EHD3: variants seen among roughly 807,000 people sequenced by gnomAD.
The protein encoded by EHD3 is EH domain-containing protein 3.
Under a neutral mutation model 43.0 loss-of-function variants are expected in EHD3, and 17 were observed. The ratio of observed to expected loss-of-function variants is 0.40; its 90% CI spans 0.27 to 0.59. The LOEUF (loss-of-function observed/expected upper bound fraction) is 0.59, where lower values mean the gene tolerates loss of function less well. EHD3 is among the 20% of genes least tolerant of loss of function. EHD3 has a pLI of 0.49. For synonymous variants in EHD3, 313 were observed against 289.5 expected (o/e 1.08, Z -0.82); for missense variants, 594 against 705.6 (o/e 0.84, Z 1.79).
At position 31,234,767 on chromosome 2, in the gene EHD3, C is replaced by T. The variant is rs149112907; in HGVS notation, c.146C>T (p.Ala49Val). Reference protein sequence around the residue: ...HYRFHEFHSPALEDADFDNKP... With the variant: ...HYRFHEFHSPVLEDADFDNKP... ...CGCTTCCACGAGTTCCACTCGCCCG[C>T]CCTGGAGGATGCCGACTTCGACAAC... Residue 49 changes from alanine (A) to valine (V), a missense_variant, in exon 1 of 6, where the codon GCC (alanine) becomes GTC (valine). This residue lies in a region of EHD3 where 243 missense variants were observed against 296.7 expected (regional missense o/e 0.82). Transcript: ENST00000322054. 1.2e-6 allele frequency: 2 copies of T among 1,614,074 alleles called. No individual in the cohort carries two copies. The highest frequency in any genetic ancestry group is 1.7e-6 in the Non-Finnish European group (2 of 1,180,038).
At position 31,260,435 on chromosome 2, in the gene EHD3, C is replaced by A; in HGVS notation, c.503-75C>A. On this transcript the variant is annotated intron_variant, in intron 3 of 5. Transcript: ENST00000322054. The surrounding 1 kb of genome is among the most constrained non-coding windows in gnomAD (Gnocchi z 4.6). ...ACTCCCAAGACTGTGTTATTTCTACCACACCCGACTGCTTCTCCAAACCCC... is the reference window on the plus strand; with the variant it reads ...ACTCCCAAGACTGTGTTATTTCTACAACACCCGACTGCTTCTCCAAACCCC... 7.0e-7 allele frequency: 1 copy of A among 1,433,224 alleles called. No individual in the cohort carries two copies. The highest frequency in any genetic ancestry group is 9.4e-7 in the Non-Finnish European group (1 of 1,066,856). The allele number at this position is 1,433,224 out of a possible 1,614,324, so 88.8% of individuals were successfully genotyped here. A position where few individuals can be genotyped will look rare whatever the true frequency, so the allele number is the denominator to read the frequency against.
chr2:31,238,963 C>T (rs1027948838), intron 1 of EHD3, among the ~76,000 whole-genome samples: 6 of 152,110 alleles, frequency 3.9e-5, no homozygotes, highest in Admixed American at 6.5e-5. Flanking sequence ...GACCTTCTAT[C>T]GTGTGACTTG....
intron 5 of EHD3, among the ~76,000 whole-genome samples, chr2:31,264,823 G>A (rs982169951): frequency 2.0e-5 from 3 of 152,098 alleles, no homozygotes; most frequent in East Asian, 1.9e-4. Context: ...ATGAGCCACC[G>A]CGCCTAGCCT....
chr2:31,242,337 G>A (rs531140433), intron 1 of EHD3, among the ~76,000 whole-genome samples: 1 of 152,338 alleles, frequency 6.6e-6, no homozygotes, highest in African/African-American at 2.4e-5. Context: ...GTGTGTGTGG[G>A]TGTTGGGTAC....
chr2:31,254,936 A>G (rs1683721801), intron 3 of EHD3, among the ~76,000 whole-genome samples: 2 of 152,364 alleles, frequency 1.3e-5, no homozygotes, highest in East Asian at 1.9e-4. Flanking sequence ...CCGAAGAAGT[A>G]TGCTGCCCTG....
chr2:31,249,275 A>C, intron 2 of EHD3, 96 bp from the exon 3 acceptor site: 2 of 1,091,880 alleles, frequency 1.8e-6, no homozygotes, highest in Non-Finnish European at 2.7e-6. Context: ...ATGCACCTGC[A>C]GCTCACCTGA....
At chr2:31,263,312 G>T (rs1293654966) in intron 5 of EHD3, among the ~76,000 whole-genome samples, 1 of 152,208 alleles carries the variant, frequency 6.6e-6, no homozygotes, top group Non-Finnish European at 1.5e-5. Context: ...CATTTGAAAG[G>T]GACCCTAAGA....
At chr2:31,238,803 G>C (rs1212745002) in intron 1 of EHD3, among the ~76,000 whole-genome samples, 1 of 152,190 alleles carries the variant, frequency 6.6e-6, no homozygotes, top group African/African-American at 2.4e-5. Flanking sequence ...AGGAAGGCCT[G>C]AGTACTTCCA....
In EHD3 at chr2:31,249,362, C is replaced by T. The variant is rs1165497041; in HGVS notation, c.405-9C>T. On this transcript the variant is annotated splice_polypyrimidine_tract_variant and intron_variant, in intron 2 of 5. Coordinates refer to ENST00000322054, the MANE Select transcript of EHD3 (RefSeq NM_014600.3). The stretch of plus-strand genomic sequence containing the variant: ...CGAGTACTCACCCAGGTTACCTCTG[C>T]CCATGCAGGTTCGTGTGTGCCCAGC... 1 of 1,613,782 alleles carries T rather than the reference C, an allele frequency of 6.2e-7. No homozygotes were observed. Among genetic ancestry groups the T allele is most frequent in the Non-Finnish European group, 8.5e-7 (1 of 1,179,698 alleles).
Position 31,268,729 on chromosome 2 carries a change from T to A in EHD3, c.*2025T>A, listed in dbSNP as rs763198081. 1 of 152,252 alleles carries A rather than the reference T, an allele frequency of 6.6e-6. No homozygotes were observed. The highest frequency in any genetic ancestry group is 1.5e-5 in the Non-Finnish European group (1 of 68,046). The allele number at this position is 152,252 out of a possible 1,614,324, so 9.4% of individuals were successfully genotyped here. ...TCTCACCTGCTCTGGAGAAAACCCT[T>A]GAGTGCCGAGTGCAGGTTAGGGACC... On this transcript the variant is annotated 3_prime_UTR_variant, in exon 6 of 6. Coordinates refer to ENST00000322054, the MANE Select transcript of EHD3 (RefSeq NM_014600.3).
At chr2:31,236,790 A>G (rs1052218970) in intron 1 of EHD3, among the ~76,000 whole-genome samples, 1 of 152,186 alleles carries the variant, frequency 6.6e-6, no homozygotes, top group African/African-American at 2.4e-5. Flanking sequence ...CCCAGTAGAC[A>G]TTTTGCAGAA....
chr2:31,241,957 C>A (rs1683432425), intron 1 of EHD3, among the ~76,000 whole-genome samples: 1 of 152,340 alleles, frequency 6.6e-6, no homozygotes, highest in South Asian at 2.1e-4. Context: ...GAACTGGGAT[C>A]TGGAGAGATG....
intron 2 of EHD3, among the ~76,000 whole-genome samples, chr2:31,247,340 T>A (rs1438307077): frequency 7.9e-6 from 1 of 127,020 alleles, no homozygotes; most frequent in African/African-American, 2.9e-5. Flanking sequence ...TTTTACCATG[T>A]GCATATATTT....
chr2:31,260,726 T>C lies in EHD3; in HGVS notation c.719T>C (p.Leu240Ser), dbSNP rs1323373870. 1 of 1,614,034 alleles carries C rather than the reference T, an allele frequency of 6.2e-7. No homozygotes were observed. The highest frequency in any genetic ancestry group is 8.5e-7 in the Non-Finnish European group (1 of 1,180,038). Reference sequence around the variant, plus strand: ...GTGTACGGGGCCCTCATGTGGTCCTTGGGGAAGATCGTGAACACCCCAGAG... The same window carrying C: ...GTGTACGGGGCCCTCATGTGGTCCTCGGGGAAGATCGTGAACACCCCAGAG... Reference protein sequence around the residue: ...MRVYGALMWSLGKIVNTPEVI... With the variant: ...MRVYGALMWSSGKIVNTPEVI... Residue 240 changes from leucine to serine, a missense_variant, in exon 4 of 6, where the codon TTG becomes TCG. This residue lies in a region of EHD3 where 29 missense variants were observed against 60.9 expected (regional missense o/e 0.48). Coordinates refer to ENST00000322054, the MANE Select transcript of EHD3 (RefSeq NM_014600.3). The surrounding 1 kb of genome is among the most constrained non-coding windows in gnomAD (Gnocchi z 4.6).
chr2:31,259,910 G>C (rs112260348), intron 3 of EHD3, among the ~76,000 whole-genome samples: 1 of 152,148 alleles, frequency 6.6e-6, no homozygotes, highest in Non-Finnish European at 1.5e-5. Context: ...TAGGCCAGGC[G>C]CAGTGGCTGG....
At chr2:31,261,843 T>G in intron 5 of EHD3, 130 bp downstream of exon 5, 2 of 1,005,846 alleles carry the variant, frequency 2.0e-6, no homozygotes, top group South Asian at 2.5e-5. Context: ...GGCAAGGAGG[T>G]GGCCCTGGAT....
chr2:31,246,869 GA>G (rs972113321), intron 2 of EHD3, among the ~76,000 whole-genome samples: 1 of 151,004 alleles, frequency 6.6e-6, no homozygotes, highest in African/African-American at 2.4e-5. Flanking sequence ...AGAGAGAAAG[GA>G]AAAAATATAT....
Position 31,261,541 on chromosome 2 carries a change from T to A in EHD3, c.916-8T>A. ...ATGTGAAGGCTTCTCTCTGGCCCTG[T>A]TTGTCAGGTCCACGCCTACATCATC... On this transcript the variant is annotated splice_polypyrimidine_tract_variant and splice_region_variant and intron_variant, in intron 4 of 5. Coordinates refer to ENST00000322054, the MANE Select transcript of EHD3 (RefSeq NM_014600.3). The A allele has an allele frequency of 6.2e-7, 1 of 1,614,048 alleles. No homozygotes were observed. The highest frequency in any genetic ancestry group is 2.2e-5 in the East Asian group (1 of 44,876).
At chr2:31,238,472 A>T (rs989998498) in intron 1 of EHD3, among the ~76,000 whole-genome samples, 4 of 152,258 alleles carry the variant, frequency 2.6e-5, no homozygotes, top group Admixed American at 1.3e-4. Flanking sequence ...ATGTGCTGTG[A>T]TCTCTGCCTG....
Sources: gnomAD v4.1 joint callset for allele counts (sites outside exome capture counted in the v4.1 genomes callset) on GRCh38, gnomAD v4.1.1 for gene constraint, gnomAD v4.1.1 regional missense constraint, Gnocchi (gnomAD v3.1) non-coding constraint, MANE v1.5 for transcripts, NCBI Gene and HGNC (gene_info 2026-07-23, HGNC 2026-07-21) for gene names.